CNTN4: variants seen among roughly 807,000 people sequenced by gnomAD.
CNTN4 encodes contactin-4.
CNTN4 carries 77 observed loss-of-function variants against 122.5 expected under a neutral mutation model. The observed-to-expected ratio is 0.63, with a 90% confidence interval of 0.52 to 0.76. The LOEUF is 0.76. Among genes scored for constraint, CNTN4 ranks in the 30% least tolerant of loss-of-function variants. The pLI is 0.00. For missense variants in CNTN4, 1,256 were observed against 1,259.1 expected (o/e 1.00, Z 0.04); for synonymous variants, 512 against 447.0 (o/e 1.15, Z -1.83).
chr3:2,728,251 G>A lies in CNTN4; in HGVS notation c.56-7964G>A, dbSNP rs184943304. On this transcript the variant is annotated intron_variant, in intron 4 of 24. Transcript: ENST00000418658. ...AATTTCCTTAGGTTATTGCCCATAC[G>A]TTTTATGAGTAATTTAGATCCACAG... is the stretch of plus-strand genomic sequence containing the variant. Among the ~76,000 whole-genome samples the A allele has an allele frequency of 2.9e-4, 44 of 152,258 alleles. No individual in the cohort carries two copies. The East Asian group carries it at 6.4e-3, about 22-fold the overall frequency.
At chr3:2,191,692 A>G (rs1415946668) in intron 2 of CNTN4, among the ~76,000 whole-genome samples, 1 of 33,560 alleles carries the variant, frequency 3.0e-5, no homozygotes, top group African/African-American at 7.1e-5. Flanking sequence ...ACAAAATTCT[A>G]TGTATATATA....
chr3:2,276,173 T>C (rs530565365), intron 2 of CNTN4, among the ~76,000 whole-genome samples: 1 of 151,208 alleles, frequency 6.6e-6, no homozygotes, highest in Non-Finnish European at 1.5e-5. Context: ...AATTAATTTA[T>C]TTTTATTATT....
At chr3:2,271,727 C>T (rs1011537805) in intron 2 of CNTN4, among the ~76,000 whole-genome samples, 1 of 152,048 alleles carries the variant, frequency 6.6e-6, no homozygotes, top group Non-Finnish European at 1.5e-5. Flanking sequence ...AGTGGGGTCC[C>T]CAACTAAAGA....
intron 3 of CNTN4, among the ~76,000 whole-genome samples, chr3:2,439,226 A>G (rs1321366815): frequency 2.0e-5 from 3 of 152,174 alleles, no homozygotes. Context: ...AATCCACACC[A>G]CCTGATAACT....
At chr3:2,099,696 T>A (rs1329070693) in intron 1 of CNTN4, 2 of 152,238 alleles carry the variant, frequency 1.3e-5, no homozygotes, top group Non-Finnish European at 2.9e-5. Context: ...TTGGGTGGCA[T>A]TCGTTTCCAG....
At chr3:2,459,645 GAGA>G (rs2049129471) in intron 3 of CNTN4, among the ~76,000 whole-genome samples, 1 of 152,090 alleles carries the variant, frequency 6.6e-6, no homozygotes. Context: ...GTGGCAAGCA[GAGA>G]AGGAGGGGCA....
intron 2 of CNTN4, among the ~76,000 whole-genome samples, chr3:2,184,280 C>G (rs922607187): frequency 6.6e-5 from 10 of 152,106 alleles, no homozygotes; most frequent in Admixed American, 3.9e-4. Context: ...AGCCACCACA[C>G]CAGCCTGAAA....
At chr3:2,531,085 A>G (rs929804002) in intron 3 of CNTN4, among the ~76,000 whole-genome samples, 1 of 152,212 alleles carries the variant, frequency 6.6e-6, no homozygotes, top group African/African-American at 2.4e-5. Flanking sequence ...AGCCTGGGGA[A>G]AGAACCTCCT....
chr3:2,933,269 G>A (rs577929952), intron 13 of CNTN4, among the ~76,000 whole-genome samples: 2 of 152,198 alleles, frequency 1.3e-5, no homozygotes, highest in East Asian at 1.9e-4. Flanking sequence ...TTTCCTCTCC[G>A]TGGGAAGATA....
chr3:2,413,151 G>C (rs1212595381), intron 3 of CNTN4, among the ~76,000 whole-genome samples: 1 of 152,156 alleles, frequency 6.6e-6, no homozygotes, highest in African/African-American at 2.4e-5. Context: ...AACCAAAATT[G>C]TCAGAGGGCT....
At chr3:2,425,608 A>G (rs886598767) in intron 3 of CNTN4, among the ~76,000 whole-genome samples, 3 of 152,172 alleles carry the variant, frequency 2.0e-5, no homozygotes, top group African/African-American at 7.2e-5. Context: ...GTCTGTGAAG[A>G]AAGTCATTGG....
chr3:2,625,113 C>T (rs1005764077), intron 4 of CNTN4, among the ~76,000 whole-genome samples: 4 of 152,102 alleles, frequency 2.6e-5, no homozygotes, highest in African/African-American at 9.7e-5. Context: ...ATAGTAAGAG[C>T]TTAATCCATA....
chr3:2,706,764 A>G (rs2086766098), intron 4 of CNTN4, among the ~76,000 whole-genome samples: 3 of 152,176 alleles, frequency 2.0e-5, no homozygotes, highest in Non-Finnish European at 4.4e-5. Flanking sequence ...TTGCTAGGGT[A>G]AGAACTAAAA....
At position 2,840,555 on chromosome 3, in the gene CNTN4, C is replaced by T. The variant is rs1251547429; in HGVS notation, c.454+20974C>T. 6.4e-5 allele frequency among the ~76,000 whole-genome samples: 2 copies of T among 31,122 alleles called. 1 individual carries two copies. Among genetic ancestry groups the T allele is most frequent in the Non-Finnish European group, 3.4e-4 (2 of 5,912 alleles). 20.4% of individuals were successfully genotyped at this position (31,122 alleles called of 152,430 possible). On this transcript the variant is annotated intron_variant, in intron 7 of 24. Transcript: ENST00000418658. ...CTCTACTAAAAATACAAAAATTAGC[C>T]GGGCGCGGTGATGGGCGCCTGTAGT... is the stretch of plus-strand genomic sequence containing the variant.
rs80121917 is a variant in CNTN4, at chr3:2,565,408, A to G, written c.-88-6008A>G. Among the ~76,000 whole-genome samples the G allele has an allele frequency of 3.5e-3, 534 of 152,322 alleles. 4 individuals carry two copies. Among genetic ancestry groups the G allele is most frequent in the Middle Eastern group, 0.017 (5 of 294 alleles). On this transcript the variant is annotated intron_variant, in intron 3 of 24. Transcript: ENST00000418658. ...ATCTGTTTTTACTGGTAGATAGAGT[A>G]TAAAGCTGGTTAAAGGAGAAAATCC...
At chr3:2,434,193 A>G (rs1405372433) in intron 3 of CNTN4, among the ~76,000 whole-genome samples, 2 of 152,214 alleles carry the variant, frequency 1.3e-5, no homozygotes, top group Non-Finnish European at 2.9e-5. Flanking sequence ...GAAGTGATGA[A>G]TTTGTTCATT....
At chr3:2,226,335 T>C (rs180842290) in intron 2 of CNTN4, among the ~76,000 whole-genome samples, 2 of 152,310 alleles carry the variant, frequency 1.3e-5, no homozygotes, top group Admixed American at 6.5e-5. Context: ...AAGAATCTTA[T>C]CATGTTTATT....
At chr3:2,489,929 A>C (rs192735118) in intron 3 of CNTN4, among the ~76,000 whole-genome samples, 1 of 152,198 alleles carries the variant, frequency 6.6e-6, no homozygotes, top group Admixed American at 6.5e-5. Flanking sequence ...CGTATAAAAC[A>C]TACAGTCTAT....
intron 23 of CNTN4, among the ~76,000 whole-genome samples, chr3:3,046,682 T>C (rs910782980): frequency 2.0e-5 from 3 of 152,026 alleles, no homozygotes; most frequent in African/African-American, 7.3e-5. Flanking sequence ...ACATGCCAAA[T>C]TGTAAAGACC....
Sources: gnomAD v4.1 joint callset for allele counts (sites outside exome capture counted in the v4.1 genomes callset) on GRCh38, gnomAD v4.1.1 for gene constraint, MANE v1.5 for transcripts, NCBI Gene and HGNC (gene_info 2026-07-23, HGNC 2026-07-21) for gene names.